The following FN1 variants were observed in gnomAD, a reference collection of about 807,000 sequenced individuals.
The protein encoded by FN1 is fibronectin 1.
Under a neutral mutation model 297.3 loss-of-function variants are expected in FN1, and 106 were observed. That is an observed-to-expected ratio of 0.36 (90% CI 0.30 to 0.42). The LOEUF (loss-of-function observed/expected upper bound fraction) is 0.42. FN1 is among the 10% of genes least tolerant of loss of function. The probability of loss-of-function intolerance (pLI) is 1.00; values close to 1 mark genes in which losing one functional copy is unlikely to be tolerated. For synonymous variants in FN1, 1,149 were observed against 1,152.6 expected (o/e 1.00, Z 0.06); for missense variants, 2,690 against 3,124.9 (o/e 0.86, Z 3.32).
In FN1 at chr2:215,431,977, C is replaced by G. The variant is rs775956890; in HGVS notation, c.416-13G>C. 1.1e-5 allele frequency: 17 copies of G among 1,613,886 alleles called. No individual in the cohort carries two copies. Among genetic ancestry groups the G allele is most frequent in the Non-Finnish European group, 1.4e-5 (16 of 1,179,950 alleles). On this transcript the variant is annotated splice_polypyrimidine_tract_variant and intron_variant, in intron 3 of 45. Coordinates refer to ENST00000354785, the MANE Select transcript of FN1 (RefSeq NM_212482.4). ...TCATGGCAGCGGTCTGTTGAAGATA[C>G]AACGAAAATGTTAGGAGAGGGCAGA...
chr2:215,371,277 A>T (rs2056030029), intron 40 of FN1, among the ~76,000 whole-genome samples: 2 of 152,000 alleles, frequency 1.3e-5, no homozygotes, highest in African/African-American at 4.8e-5. Context: ...CGGGGAAAAA[A>T]AAAAATGGAT....
At chr2:215,424,399 T>C in intron 7 of FN1, 74 bp from the exon 8 acceptor site, 1 of 1,209,248 alleles carries the variant, frequency 8.3e-7, no homozygotes, top group South Asian at 1.3e-5. Context: ...TATTTATGGC[T>C]TCAATGAGAT....
intron 24 of FN1, among the ~76,000 whole-genome samples, chr2:215,393,905 A>G (rs1213682754): frequency 6.6e-6 from 1 of 152,202 alleles, no homozygotes; most frequent in African/African-American, 2.4e-5. Context: ...TCATTATGTT[A>G]TAACCCAATG....
rs1429760719 is a variant in FN1 at position 215,431,951 on chromosome 2, T to C, written c.429A>G (p.Glu143=). ...CACCAATCTTGTAGGACTGACCCCC[T>C]TCATGGCAGCGGTCTGTTGAAGATA... The part of the protein sequence containing the change: ...ISCTIANRCH[E]GGQSYKIGDT... Residue 143 remains glutamate, a synonymous_variant, in exon 4 of 46, where the codon GAA becomes GAG. Transcript: ENST00000354785. 2 of 1,614,116 alleles carry C rather than the reference T, an allele frequency of 1.2e-6. No homozygotes were observed. Among genetic ancestry groups the C allele is most frequent in the Non-Finnish European group, 1.7e-6 (2 of 1,180,004 alleles).
chr2:215,373,501 G>A lies in FN1; in HGVS notation c.6158-90C>T, dbSNP rs1260982348. On this transcript the variant is annotated intron_variant, in intron 38 of 45. Coordinates refer to ENST00000354785, the MANE Select transcript of FN1 (RefSeq NM_212482.4). The stretch of plus-strand genomic sequence containing the variant: ...TCACCAGCAGACGCTACTGGGAGCA[G>A]GCACTTCCTCTCCAGCTGGCTGTTG... 3.9e-6 allele frequency: 4 copies of A among 1,020,486 alleles called. No individual in the cohort carries two copies. In the Admixed American group the frequency reaches 5.1e-5, roughly 13 times the overall value. 63.2% of individuals were successfully genotyped at this position (1,020,486 alleles called of 1,614,324 possible).
At chr2:215,393,229 G>C (rs1408044178) in intron 24 of FN1, 26 bp from the exon 25 acceptor site, 3 of 1,608,760 alleles carry the variant, frequency 1.9e-6, no homozygotes, top group African/African-American at 1.3e-5. Flanking sequence ...GCAAAGGGAG[G>C]GGGAGGCAAA....
chr2:215,408,512 A>G, intron 15 of FN1, 86 bp from the exon 16 acceptor site: 1 of 1,325,174 alleles, frequency 7.5e-7, no homozygotes, highest in Non-Finnish European at 1.1e-6. Context: ...TATTTTAAGA[A>G]TTATATATTC....
intron 43 of FN1, 73 bp downstream of exon 43, chr2:215,365,432 A>G: frequency 1.3e-6 from 2 of 1,490,144 alleles, no homozygotes; most frequent in Non-Finnish European, 9.4e-7. Context: ...CATTTCTGTG[A>G]ATGAGAGTTA....
chr2:215,434,559 G>A (rs932947200), intron 2 of FN1, 137 bp downstream of exon 2: 4 of 1,086,598 alleles, frequency 3.7e-6, no homozygotes, highest in African/African-American at 1.6e-5. Context: ...AATATAAGCA[G>A]TTTTTAAACT....
chr2:215,382,339 G>C lies in FN1; in HGVS notation c.5051-14C>G. The C allele has an allele frequency of 6.5e-7, 1 of 1,550,040 alleles. No individual in the cohort carries two copies. The highest frequency in any genetic ancestry group is 8.9e-7 in the Non-Finnish European group (1 of 1,121,742). On this transcript the variant is annotated splice_polypyrimidine_tract_variant and intron_variant, in intron 31 of 45. Transcript: ENST00000354785. ...TTTCTGTTTGATCTGCAAAGGGAGT[G>C]AAAAGCAAATGCAACATCCACGTCA...
chr2:215,381,307 T>G, intron 32 of FN1: 1 of 569,066 alleles, frequency 1.8e-6, no homozygotes, highest in Non-Finnish European at 3.1e-6. Context: ...GATAAGCAGA[T>G]ACCCTGCAAA....
chr2:215,383,307 C>T lies in FN1; in HGVS notation c.5050+21G>A, dbSNP rs766718620. ...ATAGGAGTGAGCCACCGCACCTGGC[C>T]GAGATGCAGATGATTCTTACCTGGA... On this transcript the variant is annotated intron_variant, in intron 31 of 45. Transcript: ENST00000354785. The T allele has an allele frequency of 1.4e-5, 23 of 1,613,740 alleles. No individual in the cohort carries two copies. In the East Asian group the frequency reaches 2.5e-4, roughly 17 times the overall value.
intron 44 of FN1, chr2:215,364,350 A>G (rs933924441): frequency 3.3e-5 from 6 of 184,590 alleles, no homozygotes; most frequent in African/African-American, 1.4e-4. Context: ...CCTGTCCATC[A>G]GAATGGAGTT....
At chr2:215,428,041 T>C in intron 6 of FN1, 139 bp downstream of exon 6, 1 of 1,065,558 alleles carries the variant, frequency 9.4e-7, no homozygotes, top group Non-Finnish European at 1.4e-6. Context: ...TAACAACCAA[T>C]AATGTGTAAA....
chr2:215,386,744 G>A lies in FN1; in HGVS notation c.4557C>T (p.Ile1519=), dbSNP rs1041234448. The part of the protein sequence containing the change: ...LTPGTEYVVS[I]VALNGREESP... The stretch of plus-strand genomic sequence containing the variant: ...TTTCCTCTCTGCCATTAAGAGCAAC[G>A]ATGCTGACCACATACTCTGTGCCTG... The change falls in exon 28 of 46, where the codon ATC becomes ATT. Residue 1519 remains isoleucine, a synonymous_variant. Coordinates refer to ENST00000354785, the MANE Select transcript of FN1 (RefSeq NM_212482.4). The A allele has an allele frequency of 2.5e-6, 4 of 1,613,906 alleles. No homozygotes were observed. Among genetic ancestry groups the A allele is most frequent in the Admixed American group, 1.7e-5 (1 of 60,006 alleles).
In FN1 at chr2:215,371,951, G is replaced by T; in HGVS notation, c.6672C>A (p.Ile2224=). The T allele has an allele frequency of 6.2e-7, 1 of 1,614,194 alleles. No individual in the cohort carries two copies. Among genetic ancestry groups the T allele is most frequent in the African/African-American group, 1.3e-5 (1 of 75,058 alleles). ...CAGTGCCAACAGGATGACATGAAAT[G>T]ATGTACTCAGAAGTGTCCTGGAATG... ...WAPFQDTSEY[I]ISCHPVGTDE... Residue 2224 remains isoleucine (I), a synonymous_variant, in exon 40 of 46, where the codon ATC becomes ATA. Coordinates refer to ENST00000354785, the MANE Select transcript of FN1 (RefSeq NM_212482.4).
At chr2:215,419,143 G>A in intron 12 of FN1, 99 bp downstream of exon 12, 1 of 999,244 alleles carries the variant, frequency 1.0e-6, no homozygotes, top group Non-Finnish European at 1.6e-6. Context: ...GTGGGAAAGA[G>A]GGGAGACCCC....
intron 18 of FN1, among the ~76,000 whole-genome samples, chr2:215,406,727 C>T (rs1429837912): frequency 1.3e-5 from 2 of 151,998 alleles, no homozygotes; most frequent in African/African-American, 4.8e-5. Context: ...AGTGAGTTAC[C>T]AGCATATGAA....
chr2:215,435,659 G>C lies in FN1; in HGVS notation c.144C>G (p.Ser48Arg), dbSNP rs1160529230. Residue 48 changes from serine to arginine, a missense_variant, in exon 1 of 46, where the codon AGC becomes AGG. Around this residue, in one of 3 missense-constraint regions of FN1, gnomAD observed 876 missense variants for 1,058.1 expected, o/e 0.83. Coordinates refer to ENST00000354785, the MANE Select transcript of FN1 (RefSeq NM_212482.4). ...CAGCCCGCGGTCAGTACTCACGCTT[G>C]CTTTGACTGACAGCCACCGGGGACT... is the stretch of plus-strand genomic sequence containing the variant. ...QPQSPVAVSQ[S>R]KPGCYDNGKH... The C allele has an allele frequency of 6.2e-7, 1 of 1,613,630 alleles. No individual in the cohort carries two copies. Among genetic ancestry groups the C allele is most frequent in the South Asian group, 1.1e-5 (1 of 91,024 alleles).
Sources: allele counts gnomAD v4.1 joint callset (sites outside exome capture counted in the v4.1 genomes callset), GRCh38; gene constraint gnomAD v4.1.1; regional missense constraint gnomAD v4.1.1; transcripts MANE v1.5; gene names NCBI Gene and HGNC (gene_info 2026-07-23, HGNC 2026-07-21).